PPP1R9A: variants seen among roughly 807,000 people sequenced by gnomAD.
PPP1R9A encodes protein phosphatase 1 regulatory subunit 9A.
A neutral mutation model predicts 141.9 loss-of-function variants in PPP1R9A; 59 were observed. That is an observed-to-expected ratio of 0.42 (90% CI 0.34 to 0.52). The LOEUF (loss-of-function observed/expected upper bound fraction) is 0.52, where lower values mean the gene tolerates loss of function less well. PPP1R9A is among the 20% of genes least tolerant of loss of function. PPP1R9A has a pLI of 0.10. For synonymous variants in PPP1R9A, 500 were observed against 569.7 expected (o/e 0.88, Z 1.74); for missense variants, 1,444 against 1,611.9 (o/e 0.90, Z 1.78).
chr7:95,228,748 A>G (rs966938140), intron 8 of PPP1R9A, among the ~76,000 whole-genome samples: 2 of 152,186 alleles, frequency 1.3e-5, no homozygotes, highest in African/African-American at 4.8e-5. Flanking sequence ...ATTTCTAGAG[A>G]ACTGGCATTT....
chr7:94,924,096 C>G (rs1793160614), intron 2 of PPP1R9A, among the ~76,000 whole-genome samples: 1 of 151,914 alleles, frequency 6.6e-6, no homozygotes, highest in African/African-American at 2.4e-5. Flanking sequence ...GAAAAAGAGG[C>G]AACATTAACA....
At chr7:95,015,660 T>C (rs752575852) in intron 2 of PPP1R9A, among the ~76,000 whole-genome samples, 31 of 152,092 alleles carry the variant, frequency 2.0e-4, no homozygotes, top group Non-Finnish European at 3.4e-4. Flanking sequence ...AAGGAAAATA[T>C]GTTTGAAGAA....
chr7:95,007,019 C>T (rs1163050069), intron 2 of PPP1R9A, among the ~76,000 whole-genome samples: 2 of 152,086 alleles, frequency 1.3e-5, no homozygotes, highest in African/African-American at 4.8e-5. Context: ...CACGCCACTA[C>T]ACTAGGATAA....
At chr7:95,220,957 C>A (rs1018063347) in intron 7 of PPP1R9A, among the ~76,000 whole-genome samples, 1 of 151,972 alleles carries the variant, frequency 6.6e-6, no homozygotes, top group African/African-American at 2.4e-5. Context: ...CTACCCCAAA[C>A]TGGGAATATA....
At chr7:95,077,530 A>G (rs1299140881) in intron 2 of PPP1R9A, among the ~76,000 whole-genome samples, 1 of 152,178 alleles carries the variant, frequency 6.6e-6, no homozygotes, top group Non-Finnish European at 1.5e-5. Flanking sequence ...TTTCCATAGT[A>G]TAATATGAGG....
At chr7:95,060,334 A>G (rs1812062821) in intron 2 of PPP1R9A, among the ~76,000 whole-genome samples, 1 of 152,152 alleles carries the variant, frequency 6.6e-6, no homozygotes, top group African/African-American at 2.4e-5. Flanking sequence ...TGCTTTAGCA[A>G]GGGGGTGGGG....
At chr7:94,977,361 A>C (rs1247554515) in intron 2 of PPP1R9A, among the ~76,000 whole-genome samples, 1 of 152,204 alleles carries the variant, frequency 6.6e-6, no homozygotes, top group African/African-American at 2.4e-5. Context: ...AACTGTGACC[A>C]TCAAGAATAG....
At chr7:95,269,985 A>G (rs182916107) in intron 14 of PPP1R9A, among the ~76,000 whole-genome samples, 9 of 152,300 alleles carry the variant, frequency 5.9e-5, no homozygotes, top group Admixed American at 2.6e-4. Context: ...ATACCTCTCC[A>G]CGTAACCAGT....
intron 2 of PPP1R9A, among the ~76,000 whole-genome samples, chr7:95,014,289 G>A (rs1487481359): frequency 1.3e-5 from 2 of 151,964 alleles, no homozygotes; most frequent in Non-Finnish European, 2.9e-5. Context: ...CCTTAATTTG[G>A]AAGAGTTCCT....
At chr7:94,999,776 AT>A (rs369699969) in intron 2 of PPP1R9A, among the ~76,000 whole-genome samples, 10 of 129,318 alleles carry the variant, frequency 7.7e-5, no homozygotes, top group African/African-American at 3.0e-4. Flanking sequence ...GAGATATCTT[AT>A]TTTATTTATT....
rs144785412 is a variant in PPP1R9A at position 94,937,061 on chromosome 7, A to G, written c.1395+25553A>G. 5.9e-5 allele frequency among the ~76,000 whole-genome samples: 9 copies of G among 152,272 alleles called. No homozygotes were observed. In the East Asian group the frequency reaches 1.7e-3, roughly 29 times the overall value. ...CATTTTTAATAGCTCCGTAGTATAAATGTGCCCTAACTTATTATTCATCCT... is the reference window on the plus strand; with the variant it reads ...CATTTTTAATAGCTCCGTAGTATAAGTGTGCCCTAACTTATTATTCATCCT... On this transcript the variant is annotated intron_variant, in intron 2 of 19. Coordinates refer to ENST00000433360, the MANE Select transcript of PPP1R9A (RefSeq NM_001166160.2).
rs1372008344 is a variant in PPP1R9A, at chr7:95,247,519, A to C, written c.2159A>C (p.Lys720Thr). ...ACAGAAGCAGAGATTCAAAAATTGA[A>C]GACCAAGGTAAGCACCGAAACATGG... The part of the protein sequence containing the change: ...AVTEAEIQKL[K>T]TKLQAAENEK... Residue 720 changes from lysine (K) to threonine (T), a missense_variant, in exon 9 of 20, where the codon AAG becomes ACG. Lys to Thr is a moderately conservative substitution (Grantham distance 78). This residue lies in a region of PPP1R9A where 488 missense variants were observed against 542.0 expected (regional missense o/e 0.90). Coordinates refer to ENST00000433360, the MANE Select transcript of PPP1R9A (RefSeq NM_001166160.2). 6.2e-7 allele frequency: 1 copy of C among 1,607,926 alleles called. No homozygotes were observed. The highest frequency in any genetic ancestry group is 8.5e-7 in the Non-Finnish European group (1 of 1,175,966).
At chr7:95,149,283 A>G (rs1041727381) in intron 4 of PPP1R9A, among the ~76,000 whole-genome samples, 1 of 152,160 alleles carries the variant, frequency 6.6e-6, no homozygotes, top group Admixed American at 6.5e-5. Context: ...ACCTAGAGCT[A>G]ACATTATATT....
intron 12 of PPP1R9A, among the ~76,000 whole-genome samples, chr7:95,267,747 C>T (rs958636911): frequency 3.3e-5 from 5 of 151,968 alleles, no homozygotes; most frequent in Non-Finnish European, 7.4e-5. Context: ...AGTGTCGTTT[C>T]TGGTGGGGAG....
At chr7:95,078,735 G>A (rs1815275727) in intron 2 of PPP1R9A, among the ~76,000 whole-genome samples, 1 of 151,540 alleles carries the variant, frequency 6.6e-6, no homozygotes, top group South Asian at 2.1e-4. Flanking sequence ...GGCCAGTGAT[G>A]GTGAGCATTT....
At chr7:94,936,853 A>G (rs1018499828) in intron 2 of PPP1R9A, among the ~76,000 whole-genome samples, 2 of 152,222 alleles carry the variant, frequency 1.3e-5, no homozygotes, top group East Asian at 1.9e-4. Flanking sequence ...ACTTTGGGCA[A>G]GTAATTTCTC....
intron 2 of PPP1R9A, among the ~76,000 whole-genome samples, chr7:95,013,655 T>A (rs1243178416): frequency 6.6e-6 from 1 of 152,160 alleles, no homozygotes; most frequent in Non-Finnish European, 1.5e-5. Context: ...TATACTTTTT[T>A]CGTTCATTTG....
rs931519046 is a variant in PPP1R9A at position 95,236,997 on chromosome 7, T to C, written c.2113-10476T>C. 2.0e-5 allele frequency among the ~76,000 whole-genome samples: 3 copies of C among 151,696 alleles called. No individual in the cohort carries two copies. In the East Asian group the frequency reaches 5.8e-4, roughly 29 times the overall value. ...ATTGTGTTATGGGTTGCAACTTTAT[T>C]GCACTCTGATCAGAAAACATATTCC... On this transcript the variant is annotated intron_variant, in intron 8 of 19. Coordinates refer to ENST00000433360, the MANE Select transcript of PPP1R9A (RefSeq NM_001166160.2).
At chr7:95,260,243 G>A (rs1483722199) in intron 12 of PPP1R9A, among the ~76,000 whole-genome samples, 1 of 152,174 alleles carries the variant, frequency 6.6e-6, no homozygotes, top group Non-Finnish European at 1.5e-5. Flanking sequence ...TAAAACTTTT[G>A]TTGCCAAATC....
Sources: allele counts gnomAD v4.1 joint callset (sites outside exome capture counted in the v4.1 genomes callset), GRCh38; gene constraint gnomAD v4.1.1; regional missense constraint gnomAD v4.1.1; transcripts MANE v1.5; gene names NCBI Gene and HGNC (gene_info 2026-07-23, HGNC 2026-07-21).